PLAGL1: variants seen among roughly 807,000 people sequenced by gnomAD.
PLAGL1 encodes the protein PLAG1 like zinc finger 1.
PLAGL1 carries 1 observed loss-of-function variant against 4.6 expected under a neutral mutation model. That is an observed-to-expected ratio of 0.22 (90% CI 0.08 to 1.03). The LOEUF (loss-of-function observed/expected upper bound fraction) is 1.03. Among genes scored for constraint, PLAGL1 ranks in the 50% least tolerant of loss-of-function variants. The pLI is 0.58. For synonymous variants in PLAGL1, 240 were observed against 237.8 expected, an observed-to-expected ratio of 1.01 and a Z score of -0.08; for missense variants, 464 against 570.4, an observed-to-expected ratio of 0.81 and a Z score of 1.90.
At chr6:144,007,149 A>T (rs1390014587) in intron 1 of PLAGL1, 1 of 152,262 alleles carries the variant, frequency 6.6e-6, no homozygotes, top group African/African-American at 2.4e-5. Context: ...ATTTACCACT[A>T]TTTAACTTCA....
intron 1 of PLAGL1, among the ~76,000 whole-genome samples, chr6:144,017,943 C>G (rs777990971): frequency 3.9e-5 from 6 of 152,198 alleles, no homozygotes; most frequent in Non-Finnish European, 5.9e-5. Context: ...CCCTAGCCAG[C>G]CTACACCACA....
At position 143,960,095 on chromosome 6, in the gene PLAGL1, C is replaced by A. The variant is rs954742509; in HGVS notation, c.-325+374G>T. 6.6e-6 allele frequency among the ~76,000 whole-genome samples: 1 copy of A among 152,340 alleles called. No homozygotes were observed. The highest frequency in any genetic ancestry group is 2.1e-4 in the South Asian group (1 of 4,832). On this transcript the variant is annotated intron_variant, in intron 6 of 7. Coordinates refer to ENST00000674357, the MANE Select transcript of PLAGL1 (RefSeq NM_001317162.2). This position sits in a 1 kb window ranked among gnomAD's most constrained non-coding sequence, Gnocchi z 5.7. Reference sequence around the variant, plus strand: ...GCCACAAAGACAGGACAACCTCTTACACATCTTATGTACACAAGTTAGGAG... The same window carrying A: ...GCCACAAAGACAGGACAACCTCTTAAACATCTTATGTACACAAGTTAGGAG...
intron 2 of PLAGL1, among the ~76,000 whole-genome samples, chr6:143,969,265 T>C (rs913029055): frequency 6.6e-6 from 1 of 152,104 alleles, no homozygotes. Flanking sequence ...TGGTGCCACC[T>C]GGAGCCACTT....
chr6:144,010,802 A>G (rs1795121907), upstream of PLAGL1, among the ~76,000 whole-genome samples: 1 of 152,192 alleles, frequency 6.6e-6, no homozygotes, highest in African/African-American at 2.4e-5. The surrounding 1 kb of genome is among the most constrained non-coding windows in gnomAD (Gnocchi z 4.1). Flanking sequence ...ATAACACCAC[A>G]CATCTACAAC....
chr6:143,984,771 T>C lies in PLAGL1; in HGVS notation c.-544+364A>G, dbSNP rs1177453162. ...TCCGTAAAAATGACACTTCATAGAC[T>C]ATTTAAAAACAAAGATACATAAATA... On this transcript the variant is annotated intron_variant, in intron 2 of 7. Transcript: ENST00000674357. This position sits in a 1 kb window ranked among gnomAD's most constrained non-coding sequence, Gnocchi z 5.5. 1.3e-5 allele frequency among the ~76,000 whole-genome samples: 2 copies of C among 152,178 alleles called. No individual in the cohort carries two copies. Among genetic ancestry groups the C allele is most frequent in the Non-Finnish European group, 2.9e-5 (2 of 68,018 alleles).
rs1018578884 is a variant in PLAGL1, at chr6:144,000,795, A to G, written c.-584+7295T>C. On this transcript the variant is annotated intron_variant, in intron 1 of 7. Transcript: ENST00000674357. The surrounding 1 kb of genome is among the most constrained non-coding windows in gnomAD (Gnocchi z 4.1). The stretch of plus-strand genomic sequence containing the variant: ...GTTCAGGAAATATGGAGAGCTAGAC[A>G]TTCTAAAACAAACCTTTTAATACTT... Among the ~76,000 whole-genome samples the G allele has an allele frequency of 2.0e-5, 3 of 152,166 alleles. No homozygotes were observed. Among genetic ancestry groups the G allele is most frequent in the Non-Finnish European group, 2.9e-5 (2 of 67,986 alleles).
chr6:144,063,714 G>T lies in PLAGL1; in HGVS notation c.-151+754C>A, dbSNP rs1246423053. 6.6e-6 allele frequency among the ~76,000 whole-genome samples: 1 copy of T among 152,142 alleles called. No homozygotes were observed. The highest frequency in any genetic ancestry group is 1.5e-5 in the Non-Finnish European group (1 of 68,012). On this transcript the variant is annotated intron_variant, in intron 1 of 3. Coordinates refer to the PLAGL1 transcript ENST00000437412. The surrounding 1 kb of genome is among the most constrained non-coding windows in gnomAD (Gnocchi z 5.7). ...CCATGAACACTCGGGAAGCCCCAGG[G>T]GTATCTCTGTCCTCGACACAGCAGG...
At chr6:143,986,450 C>T (rs912788935) in intron 1 of PLAGL1, among the ~76,000 whole-genome samples, 1 of 152,048 alleles carries the variant, frequency 6.6e-6, no homozygotes, top group African/African-American at 2.4e-5. Flanking sequence ...TCTTAACATT[C>T]GTTGGGGATT....
At chr6:143,991,546 T>G (rs1001797271) in intron 1 of PLAGL1, among the ~76,000 whole-genome samples, 1 of 152,202 alleles carries the variant, frequency 6.6e-6, no homozygotes, top group Non-Finnish European at 1.5e-5. Flanking sequence ...ATTCAGACAT[T>G]GCACTCGCTC....
rs1455685991 is a variant in PLAGL1, at chr6:143,964,182, G to A, written c.-399+605C>T. Reference sequence around the variant, plus strand: ...CCCTAAGGCAATGAGTAGAATCCTTGAGAAGACAGCTACGTGAAGAGTGTG... The same window carrying A: ...CCCTAAGGCAATGAGTAGAATCCTTAAGAAGACAGCTACGTGAAGAGTGTG... On this transcript the variant is annotated intron_variant, in intron 5 of 7. Transcript: ENST00000674357. This position sits in a 1 kb window ranked among gnomAD's most constrained non-coding sequence, Gnocchi z 4.3. 6.6e-6 allele frequency among the ~76,000 whole-genome samples: 1 copy of A among 152,156 alleles called. No individual in the cohort carries two copies. Among genetic ancestry groups the A allele is most frequent in the African/African-American group, 2.4e-5 (1 of 41,436 alleles).
At position 144,050,003 on chromosome 6, in the gene PLAGL1, C is replaced by T. The variant is rs908999852; in HGVS notation, c.-151+14465G>A. On this transcript the variant is annotated intron_variant, in intron 1 of 3. Transcript: ENST00000437412. The surrounding 1 kb of genome is among the most constrained non-coding windows in gnomAD (Gnocchi z 4.3). ...GTGGAGGGGAGGAAAGGTGCAGATG[C>T]GAAAAATGGCAGAAGGGGGAAAGGG... Among the ~76,000 whole-genome samples, 4 of 151,876 alleles carry T rather than the reference C, an allele frequency of 2.6e-5. No homozygotes were observed. The highest frequency in any genetic ancestry group is 5.9e-5 in the Non-Finnish European group (4 of 67,974).
rs1160456759 is a variant in PLAGL1 at position 143,954,616 on chromosome 6, AGAG to A, written c.-325+5850_-325+5852del. On this transcript the variant is annotated intron_variant, in intron 6 of 7. Transcript: ENST00000674357. The surrounding 1 kb of genome is among the most constrained non-coding windows in gnomAD (Gnocchi z 5.1). ...TCATTTCACCAAGAAACATGAAAGG[AGAG>A]GAGATGATTTTTAAACTAACAAAAC... Among the ~76,000 whole-genome samples the A allele has an allele frequency of 6.6e-5, 10 of 152,228 alleles. No individual in the cohort carries two copies. Among genetic ancestry groups the A allele is most frequent in the Non-Finnish European group, 7.3e-5 (5 of 68,044 alleles).
chr6:143,956,824 G>A (rs1782244920), intron 6 of PLAGL1, among the ~76,000 whole-genome samples: 2 of 152,226 alleles, frequency 1.3e-5, no homozygotes, highest in African/African-American at 4.8e-5. Flanking sequence ...GAGCCACAGA[G>A]GACTGAGAGA....
At position 144,056,955 on chromosome 6, in the gene PLAGL1, T is replaced by C. The variant is rs1211010348; in HGVS notation, c.-151+7513A>G. Among the ~76,000 whole-genome samples, 1 of 152,220 alleles carries C rather than the reference T, an allele frequency of 6.6e-6. No individual in the cohort carries two copies. On this transcript the variant is annotated intron_variant, in intron 1 of 3. Coordinates refer to the PLAGL1 transcript ENST00000437412. The surrounding 1 kb of genome is among the most constrained non-coding windows in gnomAD (Gnocchi z 4.7). ...AGCCACTATGCCTGACTCTCATTTC[T>C]TTTTAGTGCTAAATAATGTCCCATT...
In PLAGL1 at chr6:144,064,003, G is replaced by A. The variant is rs1424425132; in HGVS notation, c.-151+465C>T. ...CTGGCACTTGAGATTCTCCCGTTGGGGTGGTTCAGCAATGATCACCCCGCC... is the reference window on the plus strand; with the variant it reads ...CTGGCACTTGAGATTCTCCCGTTGGAGTGGTTCAGCAATGATCACCCCGCC... On this transcript the variant is annotated intron_variant, in intron 1 of 3. Coordinates refer to the PLAGL1 transcript ENST00000437412. This position sits in a 1 kb window ranked among gnomAD's most constrained non-coding sequence, Gnocchi z 6.8. Among the ~76,000 whole-genome samples the A allele has an allele frequency of 6.6e-6, 1 of 152,102 alleles. No individual in the cohort carries two copies. The highest frequency in any genetic ancestry group is 2.4e-5 in the African/African-American group (1 of 41,406).
chr6:144,043,527 A>G (rs944332358), intron 1 of PLAGL1, among the ~76,000 whole-genome samples: 6 of 152,186 alleles, frequency 3.9e-5, no homozygotes, highest in Admixed American at 1.3e-4. Context: ...GATGAAACCA[A>G]TTTGATCTTG....
intron 1 of PLAGL1, among the ~76,000 whole-genome samples, chr6:144,029,516 A>G (rs568118275): frequency 1.0e-4 from 16 of 152,398 alleles, no homozygotes; most frequent in Admixed American, 7.2e-4. Context: ...CATTTCGTGA[A>G]GAATAGAGAG....
rs370394316 is a variant in PLAGL1, at chr6:143,941,451, C to G, written c.1365G>C (p.Leu455=). The G allele has an allele frequency of 6.7e-7, 1 of 1,501,534 alleles. No homozygotes were observed. Among genetic ancestry groups the G allele is most frequent in the African/African-American group, 1.4e-5 (1 of 71,336 alleles). The allele number at this position is 1,501,534 out of a possible 1,614,324, so 93.0% of individuals were successfully genotyped here. The change falls in exon 8 of 8, where the codon CTG becomes CTC. Residue 455 remains leucine, a synonymous_variant. Coordinates refer to ENST00000674357, the MANE Select transcript of PLAGL1 (RefSeq NM_001317162.2). This position sits in a 1 kb window ranked among gnomAD's most constrained non-coding sequence, Gnocchi z 6.0. The part of the protein sequence containing the change: ...VFSAGTGSAI[L]PHFHHAFR ...ATCTGAATGCATGATGGAAATGAGG[C>G]AGGATGGCAGAGCCAGTGCCAGCTG...
chr6:144,026,798 G>A (rs567896781), intron 1 of PLAGL1, among the ~76,000 whole-genome samples: 2 of 152,242 alleles, frequency 1.3e-5, no homozygotes, highest in African/African-American at 2.4e-5. Flanking sequence ...TGTAACTACT[G>A]GCAAAGCAGA....
Sources: gnomAD v4.1 joint callset for allele counts (sites outside exome capture counted in the v4.1 genomes callset) on GRCh38, gnomAD v4.1.1 for gene constraint, Gnocchi (gnomAD v3.1) non-coding constraint, MANE v1.5 for transcripts, NCBI Gene and HGNC (gene_info 2026-07-23, HGNC 2026-07-21) for gene names.